SH3BP2: variants seen among roughly 807,000 people sequenced by gnomAD.
SH3BP2 encodes the protein SH3 domain binding protein 2.
SH3BP2 carries 38 observed loss-of-function variants against 56.2 expected under a neutral mutation model. That is an observed-to-expected ratio of 0.68 (90% CI 0.52 to 0.89). The LOEUF (loss-of-function observed/expected upper bound fraction) is 0.89, where lower values mean the gene tolerates loss of function less well. Ranked by LOEUF, SH3BP2 falls within the 40% of genes least tolerant of loss-of-function variation. The pLI, the probability that SH3BP2 is intolerant of heterozygous loss-of-function variation, is 0.00. For synonymous variants in SH3BP2, 346 were observed against 316.7 expected (o/e 1.09, Z -0.98); for missense variants, 748 against 762.6 (o/e 0.98, Z 0.23).
chr4:2,812,190 C>T, intron 1 of SH3BP2: 1 of 1,447,756 alleles, frequency 6.9e-7, no homozygotes, highest in Non-Finnish European at 9.1e-7. Flanking sequence ...TTCAGGACCT[C>T]ACAGGGTAGA....
intron 6 of SH3BP2, 120 bp downstream of exon 6, chr4:2,827,438 G>C (rs1724730926): frequency 8.4e-7 from 1 of 1,193,318 alleles, no homozygotes; most frequent in Non-Finnish European, 1.2e-6. Flanking sequence ...CTTTGGCAGT[G>C]CGCAGTAGCA....
At chr4:2,824,176 G>GT (rs2108729964) in intron 3 of SH3BP2, among the ~76,000 whole-genome samples, 1 of 152,336 alleles carries the variant, frequency 6.6e-6, no homozygotes, top group South Asian at 2.1e-4. Flanking sequence ...TCCTGGCTGT[G>GT]TGAGTGGGCC....
chr4:2,823,153 C>A, intron 3 of SH3BP2, 116 bp downstream of exon 3: 2 of 774,946 alleles, frequency 2.6e-6, no homozygotes, highest in Non-Finnish European at 2.2e-6. Context: ...TTTCCCGAAG[C>A]AGCCTTCGTG....
chr4:2,824,515 G>A (rs1360161452), intron 3 of SH3BP2, 98 bp from the exon 4 acceptor site: 7 of 884,638 alleles, frequency 7.9e-6, no homozygotes, highest in African/African-American at 1.6e-5. Flanking sequence ...CCGTTGGGGC[G>A]TGGTGCTGGT....
Position 2,830,155 on chromosome 4 carries a change from T to C in SH3BP2, c.1241+8T>C. 6.3e-7 allele frequency: 1 copy of C among 1,597,528 alleles called. No homozygotes were observed. The highest frequency in any genetic ancestry group is 8.5e-7 in the Non-Finnish European group (1 of 1,178,910). ...GCAGCTCCCGCACCTCCAGTGAGTT[T>C]GTGTGGCGGCTGCAAGCCCTGCCTC... On this transcript the variant is annotated splice_region_variant and intron_variant, in intron 8 of 12. Coordinates refer to ENST00000503393, the MANE Select transcript of SH3BP2 (RefSeq NM_001122681.2).
rs1455131954 is a variant in SH3BP2 at position 2,799,214 on chromosome 4, G to A, written c.-5+6076G>A. 1.6e-5 allele frequency: 16 copies of A among 985,428 alleles called. No individual in the cohort carries two copies. In the Admixed American group the frequency reaches 1.8e-4, roughly 11 times the overall value. The allele number at this position is 985,428 out of a possible 1,614,324, so 61.0% of individuals were successfully genotyped here. ...GAGCTGCTCCCAGGCGGGACCCTGG[G>A]GGTGGAATCTCTGAAATGCCTTCCC... On this transcript the variant is annotated intron_variant, in intron 1 of 12. Coordinates refer to ENST00000503393, the MANE Select transcript of SH3BP2 (RefSeq NM_001122681.2).
intron 2 of SH3BP2, 27 bp from the exon 3 acceptor site, chr4:2,822,908 C>G: frequency 1.3e-6 from 2 of 1,592,594 alleles, no homozygotes; most frequent in Non-Finnish European, 8.6e-7. Context: ...TCCAGGCTCA[C>G]CTTCCTGCCC....
rs1448660618 is a variant in SH3BP2, at chr4:2,810,870, A to G, written c.-4-9744A>G. On this transcript the variant is annotated intron_variant, in intron 1 of 12. Transcript: ENST00000503393. The surrounding 1 kb of genome is among the most constrained non-coding windows in gnomAD (Gnocchi z 4.2). ...GCTGTTTGATCTCAACCCTCCTGCAAGGAGGAAAGAGAATGGGAAGAGGCC... is the reference window on the plus strand; with the variant it reads ...GCTGTTTGATCTCAACCCTCCTGCAGGGAGGAAAGAGAATGGGAAGAGGCC... Among the ~76,000 whole-genome samples, 3 of 152,154 alleles carry G rather than the reference A, an allele frequency of 2.0e-5. No homozygotes were observed. The highest frequency in any genetic ancestry group is 4.8e-5 in the African/African-American group (2 of 41,436).
chr4:2,804,662 C>A (rs552761370), intron 1 of SH3BP2, among the ~76,000 whole-genome samples: 10 of 152,234 alleles, frequency 6.6e-5, no homozygotes, highest in Admixed American at 2.0e-4. Context: ...CCAGGGCCCA[C>A]CCCCACTGTC....
chr4:2,837,687 C>T lies in SH3BP2; in HGVS notation c.*3853C>T, dbSNP rs1293373394. 1 of 152,534 alleles carries T rather than the reference C, an allele frequency of 6.6e-6. No homozygotes were observed. Among genetic ancestry groups the T allele is most frequent in the African/African-American group, 2.4e-5 (1 of 41,430 alleles). 9.4% of individuals were successfully genotyped at this position (152,534 alleles called of 1,614,324 possible). On this transcript the variant is annotated 3_prime_UTR_variant, in exon 13 of 13. Coordinates refer to ENST00000503393, the MANE Select transcript of SH3BP2 (RefSeq NM_001122681.2). ...TAGACGAGGGGAATGGGGGAAGGGC[C>T]ACAACCTCTGTTTCTGTGACCCAGC...
intron 1 of SH3BP2, among the ~76,000 whole-genome samples, chr4:2,802,794 A>T (rs1473417531): frequency 6.6e-6 from 1 of 152,184 alleles, no homozygotes; most frequent in Admixed American, 6.5e-5. Context: ...TCAAGTGCTG[A>T]AATGAGTGGA....
chr4:2,795,686 CG>C (rs1723038195), intron 1 of SH3BP2, among the ~76,000 whole-genome samples: 1 of 151,346 alleles, frequency 6.6e-6, no homozygotes. Context: ...CTGAGCCGGG[CG>C]GGCAGCCATG....
Position 2,831,532 on chromosome 4 carries a change from C to T in SH3BP2, c.1242-39C>T. On this transcript the variant is annotated intron_variant, in intron 8 of 12. Transcript: ENST00000503393. This position sits in a 1 kb window ranked among gnomAD's most constrained non-coding sequence, Gnocchi z 4.1. ...CAGAGGGTGGCCGCCCCGTGTCTGA[C>T]AGTGAAATGGTCCTGCCTTCCTCTC... is the stretch of plus-strand genomic sequence containing the variant. 1 of 1,487,276 alleles carries T rather than the reference C, an allele frequency of 6.7e-7. No individual in the cohort carries two copies. Among genetic ancestry groups the T allele is most frequent in the Non-Finnish European group, 9.2e-7 (1 of 1,087,932 alleles). The allele number at this position is 1,487,276 out of a possible 1,614,324, so 92.1% of individuals were successfully genotyped here.
chr4:2,808,415 C>G (rs1017219381), intron 1 of SH3BP2, among the ~76,000 whole-genome samples: 1 of 152,148 alleles, frequency 6.6e-6, no homozygotes, highest in African/African-American at 2.4e-5. Context: ...CAAATAAGGT[C>G]GTGTTCACAG....
At chr4:2,799,095 C>T (rs934230093) in intron 1 of SH3BP2, 23 of 985,450 alleles carry the variant, frequency 2.3e-5, no homozygotes, top group East Asian at 1.1e-4. Flanking sequence ...AGCCTCCACC[C>T]GCCACCCGTA....
chr4:2,828,369 G>T (rs1273116147), intron 7 of SH3BP2, among the ~76,000 whole-genome samples: 1 of 151,770 alleles, frequency 6.6e-6, no homozygotes, highest in African/African-American at 2.4e-5. Context: ...CCCTGACCCC[G>T]TATCCTCTCT....
intron 4 of SH3BP2, 35 bp downstream of exon 4, chr4:2,824,765 TG>T (rs1370449514): frequency 2.0e-6 from 3 of 1,483,856 alleles, no homozygotes; most frequent in Admixed American, 1.7e-5. Flanking sequence ...GCAAGGTGAC[TG>T]GGGGTGTGGG....
intron 1 of SH3BP2, among the ~76,000 whole-genome samples, chr4:2,797,482 A>T (rs1374197997): frequency 6.6e-6 from 1 of 152,198 alleles, no homozygotes; most frequent in Non-Finnish European, 1.5e-5. Flanking sequence ...AGAGGGCAGG[A>T]CCGCTGGCAG....
chr4:2,820,208 C>T (rs1283280993), intron 1 of SH3BP2, among the ~76,000 whole-genome samples: 3 of 152,218 alleles, frequency 2.0e-5, no homozygotes. Flanking sequence ...CTTATAGGTT[C>T]ACCTGGCACT....
Sources: allele counts gnomAD v4.1 joint callset (sites outside exome capture counted in the v4.1 genomes callset), GRCh38; gene constraint gnomAD v4.1.1; non-coding constraint Gnocchi (gnomAD v3.1); transcripts MANE v1.5; gene names NCBI Gene and HGNC (gene_info 2026-07-23, HGNC 2026-07-21).